The following PDE6A variants were observed in gnomAD, a reference collection of about 807,000 sequenced individuals.
PDE6A encodes phosphodiesterase 6A.
A neutral mutation model predicts 106.3 loss-of-function variants in PDE6A; 84 were observed. The ratio of observed to expected loss-of-function variants is 0.79; its 90% CI spans 0.66 to 0.95. PDE6A has a LOEUF of 0.95. Ranked by LOEUF, PDE6A falls within the 40% of genes least tolerant of loss-of-function variation. The pLI, the probability that PDE6A is intolerant of heterozygous loss-of-function variation, is 0.00. For synonymous variants in PDE6A, 394 were observed against 386.6 expected, an observed-to-expected ratio of 1.02 and a Z score of -0.23; for missense variants, 1,052 against 1,084.9, an observed-to-expected ratio of 0.97 and a Z score of 0.43.
chr5:149,873,388 G>C (rs1194490219), intron 17 of PDE6A, among the ~76,000 whole-genome samples: 6 of 150,062 alleles, frequency 4.0e-5, no homozygotes, highest in Non-Finnish European at 5.9e-5. Context: ...CTGGAGTGCA[G>C]TGGCATGATT....
intron 17 of PDE6A, among the ~76,000 whole-genome samples, chr5:149,868,772 A>G (rs1306183853): frequency 6.6e-6 from 1 of 152,118 alleles, no homozygotes; most frequent in Non-Finnish European, 1.5e-5. Flanking sequence ...ACCACAGGCC[A>G]TTGTAATAGC....
intron 6 of PDE6A, among the ~76,000 whole-genome samples, chr5:149,911,861 A>AG (rs1019917456): frequency 4.0e-5 from 6 of 149,314 alleles, no homozygotes; most frequent in African/African-American, 1.5e-4. Context: ...AAAAAAAAAA[A>AG]AAAAATTATT....
In PDE6A at chr5:149,929,609, A is replaced by AAAATAAAAAAAAAAAT. The variant is rs1554092090; in HGVS notation, c.858+1418_858+1419insATTTTTTTTTTTATTT. On this transcript the variant is annotated intron_variant, in intron 4 of 21. Transcript: ENST00000255266. ...GTGACAGAGCGAGACTCCGTCTCAA[A>AAAATAAAAAAAAAAAT]AAATAAATAAATAAATAAATAAATA... Among the ~76,000 whole-genome samples, 59 of 145,392 alleles carry AAAATAAAAAAAAAAAT rather than the reference A, an allele frequency of 4.1e-4. 1 individual carries two copies. Among genetic ancestry groups the AAAATAAAAAAAAAAAT allele is most frequent in the African/African-American group, 1.5e-3 (58 of 38,894 alleles).
At chr5:149,914,212 C>T (rs977299434) in intron 6 of PDE6A, among the ~76,000 whole-genome samples, 1 of 152,178 alleles carries the variant, frequency 6.6e-6, no homozygotes, top group African/African-American at 2.4e-5. Flanking sequence ...TAGCCCTCAT[C>T]AAGGCTCTGG....
chr5:149,899,592 A>G (rs370470555), intron 8 of PDE6A, 68 bp from the exon 9 acceptor site: 3 of 1,477,926 alleles, frequency 2.0e-6, no homozygotes, highest in South Asian at 2.3e-5. Flanking sequence ...GATAGATTTC[A>G]CCCTACATCA....
At position 149,910,657 on chromosome 5, in the gene PDE6A, T is replaced by C. The variant is rs1235948664; in HGVS notation, c.999-3279A>G. Among the ~76,000 whole-genome samples the C allele has an allele frequency of 2.0e-5, 3 of 152,292 alleles. No individual in the cohort carries two copies. In the East Asian group the frequency reaches 5.8e-4, roughly 29 times the overall value. On this transcript the variant is annotated intron_variant, in intron 6 of 21. Transcript: ENST00000255266. ...AGCAATGGTTGCTCAACAATAACTA[T>C]ACTTACAACAATATGAATGGTGGGA...
At position 149,884,583 on chromosome 5, in the gene PDE6A, A is replaced by C. The variant is rs1761074825; in HGVS notation, c.1927-4T>G. On this transcript the variant is annotated splice_region_variant and splice_polypyrimidine_tract_variant and intron_variant, in intron 15 of 21. Coordinates refer to ENST00000255266, the MANE Select transcript of PDE6A (RefSeq NM_000440.3). ...GGTTTTGAAAGATATTCAGGCTCTA[A>C]AGAAAAAAAGAGAAGCGAGATGGGA... is the stretch of plus-strand genomic sequence containing the variant. 6.2e-7 allele frequency: 1 copy of C among 1,610,674 alleles called. No homozygotes were observed. Among genetic ancestry groups the C allele is most frequent in the Non-Finnish European group, 8.5e-7 (1 of 1,176,932 alleles).
intron 4 of PDE6A, among the ~76,000 whole-genome samples, chr5:149,929,982 G>A (rs779169112): frequency 2.0e-5 from 3 of 151,944 alleles, no homozygotes; most frequent in Non-Finnish European, 1.5e-5. Context: ...AGCTGGACTC[G>A]AACTCCTGGC....
At chr5:149,924,448 TAG>T (rs1438142911) in intron 4 of PDE6A, among the ~76,000 whole-genome samples, 3 of 145,174 alleles carry the variant, frequency 2.1e-5, no homozygotes, top group Non-Finnish European at 4.5e-5. Context: ...TATTTAGAAA[TAG>T]AAATATATAT....
intron 21 of PDE6A, among the ~76,000 whole-genome samples, chr5:149,861,866 A>G (rs552484148): frequency 6.6e-6 from 1 of 152,296 alleles, no homozygotes; most frequent in South Asian, 2.1e-4. Context: ...CCAAAAGACA[A>G]TTTGTACAAA....
intron 13 of PDE6A, among the ~76,000 whole-genome samples, chr5:149,891,458 A>C (rs964264418): frequency 2.0e-5 from 3 of 152,204 alleles, no homozygotes; most frequent in African/African-American, 7.2e-5. Flanking sequence ...CGACAGAGCG[A>C]GATTCCATTT....
intron 13 of PDE6A, 43 bp downstream of exon 13, chr5:149,895,140 G>T (rs757518924): frequency 8.9e-7 from 1 of 1,129,402 alleles, no homozygotes; most frequent in Non-Finnish European, 1.4e-6. Flanking sequence ...ATTGTCTAGT[G>T]TGATGCAAGC....
In PDE6A at chr5:149,921,618, G is replaced by T; in HGVS notation, c.933+17C>A. ...TGAATATATTAAATCATACTGAAAA[G>T]GTCAGAGAGAACGTACTCTTCCATC... On this transcript the variant is annotated intron_variant, in intron 5 of 21. Coordinates refer to ENST00000255266, the MANE Select transcript of PDE6A (RefSeq NM_000440.3). 2 of 1,596,254 alleles carry T rather than the reference G, an allele frequency of 1.3e-6. No individual in the cohort carries two copies. The highest frequency in any genetic ancestry group is 1.3e-5 in the African/African-American group (1 of 74,636).
intron 5 of PDE6A, among the ~76,000 whole-genome samples, chr5:149,916,468 T>C (rs537240200): frequency 2.4e-4 from 36 of 152,320 alleles, no homozygotes; most frequent in Non-Finnish European, 4.1e-4. Flanking sequence ...CTGTTCTCTT[T>C]GCTGTGTCGT....
chr5:149,932,024 G>T, intron 3 of PDE6A: 1 of 1,502,796 alleles, frequency 6.7e-7, no homozygotes, highest in East Asian at 2.3e-5. Context: ...GGCAAAACCA[G>T]AGCCAGCTAT....
chr5:149,921,814 T>C (rs747465456), intron 4 of PDE6A, 105 bp from the exon 5 acceptor site: 6 of 881,618 alleles, frequency 6.8e-6, no homozygotes, highest in Non-Finnish European at 1.1e-5. Flanking sequence ...ATTTAGAAAG[T>C]GAGAAGAACT....
intron 13 of PDE6A, among the ~76,000 whole-genome samples, chr5:149,888,707 T>A (rs191877635): frequency 6.6e-6 from 1 of 151,542 alleles, no homozygotes; most frequent in Non-Finnish European, 1.5e-5. Context: ...TAGGAAAAAG[T>A]TGAATGGATA....
intron 4 of PDE6A, among the ~76,000 whole-genome samples, chr5:149,923,796 T>C (rs139436063): frequency 1.3e-5 from 2 of 152,284 alleles, no homozygotes; most frequent in East Asian, 3.9e-4. Flanking sequence ...CATCCTCCAG[T>C]GCCCTTTCTG....
chr5:149,882,051 A>AAAATAAATAAATAAAT (rs150887967), intron 17 of PDE6A, among the ~76,000 whole-genome samples: 103 of 144,384 alleles, frequency 7.1e-4, no homozygotes, highest in South Asian at 2.3e-3. Context: ...CCCTGTCTCA[A>AAAATAAATAAATAAAT]AAATAAATAA....
Sources: gnomAD v4.1 joint callset for allele counts (sites outside exome capture counted in the v4.1 genomes callset) on GRCh38, gnomAD v4.1.1 for gene constraint, MANE v1.5 for transcripts, NCBI Gene and HGNC (gene_info 2026-07-23, HGNC 2026-07-21) for gene names.